CBLB: variants seen among roughly 807,000 people sequenced by gnomAD.
CBLB encodes Cbl proto-oncogene B.
Under a neutral mutation model 104.9 loss-of-function variants are expected in CBLB, and 31 were observed. That is an observed-to-expected ratio of 0.30 (90% CI 0.22 to 0.40). The LOEUF (loss-of-function observed/expected upper bound fraction) is 0.40. Among genes scored for constraint, CBLB ranks in the 10% least tolerant of loss-of-function variants. The pLI is 1.00. For missense variants in CBLB, 1,062 were observed against 1,214.6 expected (o/e 0.87, Z 1.87); for synonymous variants, 440 against 422.6 (o/e 1.04, Z -0.51).
chr3:105,843,080 A>G (rs1560495220), intron 3 of CBLB, among the ~76,000 whole-genome samples: 1 of 152,310 alleles, frequency 6.6e-6, no homozygotes, highest in East Asian at 1.9e-4. Context: ...CAGACTGTCT[A>G]TGTCTGCTTT....
At chr3:105,679,295 A>C (rs71327579) in intron 16 of CBLB, among the ~76,000 whole-genome samples, 1 of 142,156 alleles carries the variant, frequency 7.0e-6, no homozygotes, top group Non-Finnish European at 1.5e-5. Flanking sequence ...CCCCTGTCAC[A>C]CCTTACTATT....
chr3:105,738,632 G>A (rs184195085), intron 7 of CBLB, among the ~76,000 whole-genome samples: 2 of 152,030 alleles, frequency 1.3e-5, no homozygotes, highest in Admixed American at 1.3e-4. Context: ...GGTACCATAG[G>A]AAAGGTTAAA....
chr3:105,830,203 A>G (rs944054800), intron 3 of CBLB, among the ~76,000 whole-genome samples: 16 of 152,066 alleles, frequency 1.1e-4, no homozygotes, highest in Middle Eastern at 3.4e-3. Flanking sequence ...CCCATGAACC[A>G]TGATGAGAAA....
intron 7 of CBLB, among the ~76,000 whole-genome samples, chr3:105,738,309 G>A (rs1460494873): frequency 1.3e-5 from 2 of 152,056 alleles, no homozygotes; most frequent in Admixed American, 1.3e-4. Flanking sequence ...CCAGAAAAAT[G>A]AACTTAAAGG....
chr3:105,690,773 G>C (rs1414750480), intron 13 of CBLB, among the ~76,000 whole-genome samples: 1 of 148,298 alleles, frequency 6.7e-6, no homozygotes, highest in Non-Finnish European at 1.5e-5. Flanking sequence ...AGTGAGCCGA[G>C]ATCGCGCCAC....
intron 17 of CBLB, among the ~76,000 whole-genome samples, chr3:105,676,054 T>C (rs934047903): frequency 7.3e-5 from 11 of 150,976 alleles, no homozygotes; most frequent in Non-Finnish European, 1.6e-4. Flanking sequence ...AATTAGAATA[T>C]GTCCATCTAT....
Position 105,675,208 on chromosome 3 carries a change from T to A in CBLB, c.2569+3223A>T, listed in dbSNP as rs115769510. 2.9e-3 allele frequency among the ~76,000 whole-genome samples: 447 copies of A among 152,314 alleles called. 2 individuals carry two copies. The highest frequency in any genetic ancestry group is 6.8e-3 in the Middle Eastern group (2 of 294). On this transcript the variant is annotated intron_variant, in intron 17 of 18. Transcript: ENST00000394030. ...CTCAATAATGTTTAGAAAAGATGTATCATTACACCAGACTAAGATTTTACA... is the reference window on the plus strand; with the variant it reads ...CTCAATAATGTTTAGAAAAGATGTAACATTACACCAGACTAAGATTTTACA...
intron 4 of CBLB, among the ~76,000 whole-genome samples, chr3:105,760,671 G>T (rs1362749568): frequency 6.6e-6 from 1 of 151,386 alleles, no homozygotes; most frequent in African/African-American, 2.4e-5. Context: ...CTCTCAACAT[G>T]AGCCAATTAA....
At position 105,658,727 on chromosome 3, in the gene CBLB, T is replaced by C. The variant is rs1559704052; in HGVS notation, c.*243A>G. On this transcript the variant is annotated 3_prime_UTR_variant, in exon 19 of 19. Transcript: ENST00000394030. ...AAAGTTCAAGGGAAGTAAACGTCTTTAAATTATTTTTGTCAGTTCAACCCT... is the reference window on the plus strand; with the variant it reads ...AAAGTTCAAGGGAAGTAAACGTCTTCAAATTATTTTTGTCAGTTCAACCCT... The C allele has an allele frequency of 1.5e-5, 8 of 548,700 alleles. No homozygotes were observed. The highest frequency in any genetic ancestry group is 2.6e-5 in the Non-Finnish European group (8 of 308,228). 34.0% of individuals were successfully genotyped at this position (548,700 alleles called of 1,614,324 possible).
chr3:105,817,212 A>G (rs936965428), intron 3 of CBLB, among the ~76,000 whole-genome samples: 2 of 152,200 alleles, frequency 1.3e-5, no homozygotes, highest in African/African-American at 4.8e-5. Context: ...AGTGTTAAAG[A>G]CTTCTCTAGC....
chr3:105,739,945 T>C (rs1287000315), intron 7 of CBLB, among the ~76,000 whole-genome samples: 1 of 151,874 alleles, frequency 6.6e-6, no homozygotes. Context: ...TCTACTAAAA[T>C]ACAAAAAACT....
At chr3:105,864,338 T>G (rs1355778704) in intron 2 of CBLB, among the ~76,000 whole-genome samples, 1 of 152,206 alleles carries the variant, frequency 6.6e-6, no homozygotes, top group Non-Finnish European at 1.5e-5. Context: ...GGAAACACAG[T>G]AGGCCCTCAA....
At chr3:105,821,330 T>G (rs1441482172) in intron 3 of CBLB, among the ~76,000 whole-genome samples, 1 of 151,964 alleles carries the variant, frequency 6.6e-6, no homozygotes, top group African/African-American at 2.4e-5. Context: ...GCCTAAGAGA[T>G]CCATAAATCT....
Position 105,828,588 on chromosome 3 carries a change from T to C in CBLB, c.419+24826A>G, listed in dbSNP as rs540326381. 5.3e-5 allele frequency among the ~76,000 whole-genome samples: 8 copies of C among 152,314 alleles called. No homozygotes were observed. In the South Asian group the frequency reaches 1.7e-3, roughly 32 times the overall value. On this transcript the variant is annotated intron_variant, in intron 3 of 18. Coordinates refer to ENST00000394030, the MANE Select transcript of CBLB (RefSeq NM_170662.5). ...TCTAAACTAACAAAATAAGTATCTTTTCAAATTTTAGTTCCACACATTTTT... is the reference window on the plus strand; with the variant it reads ...TCTAAACTAACAAAATAAGTATCTTCTCAAATTTTAGTTCCACACATTTTT...
At chr3:105,695,664 T>C (rs1027347967) in intron 12 of CBLB, among the ~76,000 whole-genome samples, 23 of 151,884 alleles carry the variant, frequency 1.5e-4, no homozygotes, top group Non-Finnish European at 1.8e-4. Context: ...AAATACCATT[T>C]GTTACTGATG....
chr3:105,770,319 TC>T (rs2078721035), intron 4 of CBLB, among the ~76,000 whole-genome samples: 1 of 152,094 alleles, frequency 6.6e-6, no homozygotes, highest in African/African-American at 2.4e-5. Context: ...AGAGTCTGCC[TC>T]CAAGTACACA....
rs2063438803 is a variant in CBLB at position 105,657,699 on chromosome 3, T to C, written c.*1271A>G. Reference sequence around the variant, plus strand: ...ATGGTGTTTAAAGAACCAACCACCATTTTGTAAAATAGGCAAAACTACATT... The same window carrying C: ...ATGGTGTTTAAAGAACCAACCACCACTTTGTAAAATAGGCAAAACTACATT... On this transcript the variant is annotated 3_prime_UTR_variant, in exon 19 of 19. Coordinates refer to ENST00000394030, the MANE Select transcript of CBLB (RefSeq NM_170662.5). 1 of 204,748 alleles carries C rather than the reference T, an allele frequency of 4.9e-6. No homozygotes were observed. The highest frequency in any genetic ancestry group is 1.0e-5 in the Non-Finnish European group (1 of 100,082). 12.7% of individuals were successfully genotyped at this position (204,748 alleles called of 1,614,324 possible).
rs772233959 is a variant in CBLB at position 105,734,045 on chromosome 3, C to T, written c.1167G>A (p.Gly389=). The part of the protein sequence containing the change: ...NDKDVKIEPC[G]HLMCTSCLTA... ...TAAGGCAAGAGGTGCACATCAAATG[C>T]CCACAAGGCTCAATCTTGACATCTT... The change falls in exon 9 of 19, where the codon GGG becomes GGA. Residue 389 remains glycine, a synonymous_variant. Transcript: ENST00000394030. The T allele has an allele frequency of 3.1e-6, 5 of 1,613,800 alleles. No individual in the cohort carries two copies. The highest frequency in any genetic ancestry group is 1.1e-5 in the South Asian group (1 of 91,078).
At chr3:105,703,203 TAGC>T (rs1398916033) in intron 11 of CBLB, among the ~76,000 whole-genome samples, 2 of 152,138 alleles carry the variant, frequency 1.3e-5, no homozygotes, top group Admixed American at 6.5e-5. Context: ...TGTTAGAAAA[TAGC>T]AGAGAAAAAA....
Sources: allele counts gnomAD v4.1 joint callset (sites outside exome capture counted in the v4.1 genomes callset), GRCh38; gene constraint gnomAD v4.1.1; transcripts MANE v1.5; gene names NCBI Gene and HGNC (gene_info 2026-07-23, HGNC 2026-07-21).